GRAMD2B: variants seen among roughly 807,000 people sequenced by gnomAD.
GRAMD2B encodes the protein GRAM domain containing 2B.
GRAMD2B carries 41 observed loss-of-function variants against 59.2 expected under a neutral mutation model. The observed-to-expected ratio is 0.69, with a 90% CI of 0.54 to 0.90. The LOEUF (loss-of-function observed/expected upper bound fraction) is 0.90. Among genes scored for constraint, GRAMD2B ranks in the 40% least tolerant of loss-of-function variants. The pLI is 0.00. For synonymous variants in GRAMD2B, 161 were observed against 182.7 expected (o/e 0.88, Z 0.96); for missense variants, 424 against 500.5 (o/e 0.85, Z 1.46).
At chr5:126,444,498 T>G (rs962447144) in intron 1 of GRAMD2B, among the ~76,000 whole-genome samples, 1 of 152,156 alleles carries the variant, frequency 6.6e-6, no homozygotes, top group Admixed American at 6.5e-5. Flanking sequence ...CCCTTTGAAG[T>G]ATATGTTTAT....
chr5:126,444,158 A>AG (rs1380170072), intron 1 of GRAMD2B, among the ~76,000 whole-genome samples: 4 of 152,142 alleles, frequency 2.6e-5, no homozygotes, highest in Non-Finnish European at 5.9e-5. Context: ...CAAGAAAAAA[A>AG]CAGGTGGAGC....
rs1408144482 is a variant in GRAMD2B, at chr5:126,423,561, A to G, written c.-46A>G. 10 of 1,593,518 alleles carry G rather than the reference A, an allele frequency of 6.3e-6. No homozygotes were observed. Among genetic ancestry groups the G allele is most frequent in the Admixed American group, 3.5e-5 (2 of 56,432 alleles). On this transcript the variant is annotated 5_prime_UTR_variant, in exon 1 of 14. Transcript: ENST00000285689. Reference sequence around the variant, plus strand: ...TAGAAGCCGGGACGAGCCGGGGCAGAGCCAGGCGCGCGGAAGTCTGAAGGT... The same window carrying G: ...TAGAAGCCGGGACGAGCCGGGGCAGGGCCAGGCGCGCGGAAGTCTGAAGGT...
chr5:126,398,738 C>G (rs1458120536), intron 1 of GRAMD2B, among the ~76,000 whole-genome samples: 2 of 152,086 alleles, frequency 1.3e-5, no homozygotes, highest in African/African-American at 4.8e-5. Context: ...GCATTCATCA[C>G]TATAAACTTT....
chr5:126,360,616 G>T (rs1332374714), intron 1 of GRAMD2B, among the ~76,000 whole-genome samples: 1 of 152,156 alleles, frequency 6.6e-6, no homozygotes, highest in African/African-American at 2.4e-5. Context: ...TATCATCAGG[G>T]TCTTGAGTAA....
chr5:126,418,355 G>T (rs1044373097), intron 1 of GRAMD2B, among the ~76,000 whole-genome samples: 25 of 152,182 alleles, frequency 1.6e-4, no homozygotes, highest in African/African-American at 5.8e-4. Context: ...AAAATAACAT[G>T]AACTGGAAGA....
At chr5:126,468,363 G>A (rs573417060) in intron 2 of GRAMD2B, among the ~76,000 whole-genome samples, 43 of 152,188 alleles carry the variant, frequency 2.8e-4, no homozygotes, top group Middle Eastern at 3.4e-3. Context: ...CACTTTTATT[G>A]TATTCCCACT....
chr5:126,485,781 C>T lies in GRAMD2B; in HGVS notation c.1058+8C>T, dbSNP rs1581270236. The T allele has an allele frequency of 2.6e-6, 4 of 1,530,230 alleles. No individual in the cohort carries two copies. The highest frequency in any genetic ancestry group is 3.6e-6 in the Non-Finnish European group (4 of 1,108,996). The allele number at this position is 1,530,230 out of a possible 1,614,324, so 94.8% of individuals were successfully genotyped here. ...TATATTCTATGCAATTGTGTAAGTACATGAATTTACTGTGAGTGACTAAGA... is the reference window on the plus strand; with the variant it reads ...TATATTCTATGCAATTGTGTAAGTATATGAATTTACTGTGAGTGACTAAGA... On this transcript the variant is annotated splice_region_variant and intron_variant, in intron 11 of 13. Transcript: ENST00000285689.
In GRAMD2B at chr5:126,484,542, CAG is replaced by C. The variant is rs763679151; in HGVS notation, c.970+19_970+20del. ...TGTACAGGGTAAGGAATGGATGTCT[CAG>C]GGGGGTGGGTTTAGAAGGATTGGAG... On this transcript the variant is annotated intron_variant, in intron 10 of 13. Coordinates refer to ENST00000285689, the MANE Select transcript of GRAMD2B (RefSeq NM_023927.4). The C allele has an allele frequency of 4.4e-6, 7 of 1,596,780 alleles. No individual in the cohort carries two copies. The South Asian group carries it at 6.8e-5, about 16-fold the overall frequency.
chr5:126,365,368 CT>C (rs1455427655), intron 1 of GRAMD2B, among the ~76,000 whole-genome samples: 29 of 152,268 alleles, frequency 1.9e-4, no homozygotes, highest in Non-Finnish European at 4.0e-4. Context: ...AAGTATTTCT[CT>C]GAAAATAATT....
intron 12 of GRAMD2B, 41 bp from the exon 13 acceptor site, chr5:126,488,758 G>A: frequency 7.2e-7 from 1 of 1,395,452 alleles, no homozygotes; most frequent in South Asian, 1.2e-5. Flanking sequence ...TTCTTTCCTT[G>A]TCATCCCTGC....
intron 1 of GRAMD2B, among the ~76,000 whole-genome samples, chr5:126,363,351 T>C (rs1754306663): frequency 6.6e-6 from 1 of 152,132 alleles, no homozygotes; most frequent in African/African-American, 2.4e-5. Context: ...AAACTGGAAC[T>C]CTCATCCACT....
chr5:126,376,816 T>C (rs909251075), intron 1 of GRAMD2B, among the ~76,000 whole-genome samples: 3 of 151,988 alleles, frequency 2.0e-5, no homozygotes, highest in Admixed American at 2.0e-4. Flanking sequence ...TTTCAGCAAA[T>C]GGGCAAGGTC....
intron 1 of GRAMD2B, among the ~76,000 whole-genome samples, chr5:126,410,954 G>T (rs778913508): frequency 6.6e-6 from 1 of 151,860 alleles, no homozygotes; most frequent in African/African-American, 2.4e-5. Context: ...TTTAAATAGG[G>T]TTATTTGTTT....
At chr5:126,388,880 A>C (rs1756441113) in intron 1 of GRAMD2B, among the ~76,000 whole-genome samples, 1 of 152,052 alleles carries the variant, frequency 6.6e-6, no homozygotes, top group Non-Finnish European at 1.5e-5. Flanking sequence ...GGTGGGGGTG[A>C]GAATTGAAAA....
chr5:126,361,069 G>A (rs1400653168), intron 1 of GRAMD2B, among the ~76,000 whole-genome samples: 1 of 152,144 alleles, frequency 6.6e-6, no homozygotes, highest in Admixed American at 6.6e-5. Flanking sequence ...ACAACTGCTA[G>A]CAGAGTAACA....
intron 1 of GRAMD2B, among the ~76,000 whole-genome samples, chr5:126,431,824 C>T (rs1761611731): frequency 6.6e-6 from 1 of 152,276 alleles, no homozygotes; most frequent in Admixed American, 6.5e-5. Flanking sequence ...CCTCTTCTGC[C>T]CTGGAAGATA....
At chr5:126,425,078 T>G (rs997580292) in intron 1 of GRAMD2B, among the ~76,000 whole-genome samples, 3 of 152,208 alleles carry the variant, frequency 2.0e-5, no homozygotes, top group Non-Finnish European at 4.4e-5. Flanking sequence ...CACAGACCAT[T>G]GCAACCTCAC....
intron 1 of GRAMD2B, among the ~76,000 whole-genome samples, chr5:126,411,260 A>C (rs946518437): frequency 3.3e-5 from 5 of 152,040 alleles, no homozygotes; most frequent in Non-Finnish European, 7.4e-5. Flanking sequence ...TCTTTTATCC[A>C]TCTTGAGTTA....
chr5:126,409,373 T>C (rs1448489120), intron 1 of GRAMD2B, among the ~76,000 whole-genome samples: 1 of 152,168 alleles, frequency 6.6e-6, no homozygotes, highest in East Asian at 1.9e-4. Context: ...TTTTAATGAT[T>C]GCCATTCTAA....
Sources: allele counts gnomAD v4.1 joint callset (sites outside exome capture counted in the v4.1 genomes callset), GRCh38; gene constraint gnomAD v4.1.1; transcripts MANE v1.5; gene names NCBI Gene and HGNC (gene_info 2026-07-23, HGNC 2026-07-21).